LARGE1: variants seen among roughly 807,000 people sequenced by gnomAD.
The protein encoded by LARGE1 is xylosyl- and glucuronyltransferase LARGE1.
LARGE1 carries 43 observed loss-of-function variants against 87.6 expected under a neutral mutation model. The ratio of observed to expected loss-of-function variants is 0.49; its 90% confidence interval spans 0.38 to 0.63. LARGE1 has a LOEUF of 0.63. Ranked by LOEUF, LARGE1 falls within the 30% of genes least tolerant of loss-of-function variation. LARGE1 has a pLI of 0.00. For missense variants in LARGE1, 802 were observed against 1,000.2 expected (o/e 0.80, Z 2.67); for synonymous variants, 434 against 394.6 (o/e 1.10, Z -1.18).
At chr22:33,122,903 T>C in the LARGE1 span, among the ~76,000 whole-genome samples, 2 of 152,208 alleles carry the variant, frequency 1.3e-5, no homozygotes, top group Non-Finnish European at 2.9e-5. Flanking sequence ...GAGGGGCTGA[T>C]ACGGGACCCT....
intron 6 of LARGE1, among the ~76,000 whole-genome samples, chr22:33,533,855 A>G (rs1446219061): frequency 3.3e-5 from 5 of 150,784 alleles, no homozygotes; most frequent in Non-Finnish European, 5.9e-5. Context: ...TGGGTGAAAT[A>G]GCTGTTTCAT....
At chr22:33,225,547 ATTTC>A (rs1231101958) in intron 11 of LARGE1, among the ~76,000 whole-genome samples, 3 of 151,632 alleles carry the variant, frequency 2.0e-5, no homozygotes, top group Non-Finnish European at 4.4e-5. Flanking sequence ...TTTTCTTTTT[ATTTC>A]TTTATTTTCT....
At chr22:33,512,412 T>A (rs2071096343) in intron 6 of LARGE1, among the ~76,000 whole-genome samples, 1 of 152,160 alleles carries the variant, frequency 6.6e-6, no homozygotes. Context: ...AGATCGATAA[T>A]ATTAAGTGAA....
the LARGE1 span, among the ~76,000 whole-genome samples, chr22:33,104,912 TTTCTTTC>T: frequency 1.5e-5 from 1 of 67,088 alleles, no homozygotes; most frequent in African/African-American, 4.2e-5. Context: ...TCTTTCTTTC[TTTCTTTC>T]TTTCTTTCTT....
At chr22:33,221,717 G>A (rs62232871) in intron 11 of LARGE1, 14,216 of 152,044 alleles carry the variant, frequency 0.093, 983 homozygotes, top group African/African-American at 0.19. Flanking sequence ...TTCCATTCCC[G>A]CCTCTACTTC....
chr22:33,175,017 G>A lies in LARGE1; in HGVS notation c.1731-8185C>T, dbSNP rs4563341. Among the ~76,000 whole-genome samples the A allele has an allele frequency of 7.9e-3, 1,207 of 152,294 alleles. 53 individuals are homozygous for A. In the South Asian group the frequency reaches 0.12, roughly 15 times the overall value. ...ATCATCCTGATACCAAAACCTGGCA[G>A]AGACACAACAAAAAAAGAAAATTTC... On this transcript the variant is annotated intron_variant, in intron 11 of 11. Coordinates refer to the LARGE1 transcript ENST00000608642.
chr22:33,451,552 A>T (rs1189519828), intron 6 of LARGE1, among the ~76,000 whole-genome samples: 1 of 143,668 alleles, frequency 7.0e-6, no homozygotes, highest in African/African-American at 2.6e-5. Context: ...ACTCTATGGG[A>T]GTATCTCATT....
intron 6 of LARGE1, among the ~76,000 whole-genome samples, chr22:33,559,702 C>A (rs895735080): frequency 1.3e-5 from 2 of 152,120 alleles, no homozygotes; most frequent in African/African-American, 2.4e-5. Context: ...CTGACAGAGT[C>A]ATCAGGGTGA....
intron 10 of LARGE1, among the ~76,000 whole-genome samples, chr22:33,332,670 C>G (rs1260050749): frequency 6.6e-6 from 1 of 152,186 alleles, no homozygotes; most frequent in African/African-American, 2.4e-5. Context: ...GGGCTGGATC[C>G]AAGATCATAC....
chr22:33,671,614 T>C (rs1185804634), intron 2 of LARGE1, among the ~76,000 whole-genome samples: 1 of 152,186 alleles, frequency 6.6e-6, no homozygotes, highest in African/African-American at 2.4e-5. Flanking sequence ...CATTTGGCTA[T>C]GAAGAGAAAG....
intron 6 of LARGE1, among the ~76,000 whole-genome samples, chr22:33,439,425 C>T (rs2067389494): frequency 6.6e-6 from 1 of 152,096 alleles, no homozygotes; most frequent in South Asian, 2.1e-4. Context: ...TCACCCCACT[C>T]CACCTTTCTG....
At chr22:33,233,532 T>C (rs1362315813) in intron 11 of LARGE1, among the ~76,000 whole-genome samples, 1 of 152,014 alleles carries the variant, frequency 6.6e-6, no homozygotes, top group Non-Finnish European at 1.5e-5. Context: ...GTCTAGGCTG[T>C]GGGGGGCCTC....
rs141306390 is a variant in LARGE1, at chr22:33,551,326, C to T, written c.787+13522G>A. On this transcript the variant is annotated intron_variant, in intron 6 of 14. Transcript: ENST00000397394. ...GCCACTGTGCAGAGATAAGAGTGGA[C>T]ATGAACCTGTGCAATTTGAAAAGAC... 1.4e-3 allele frequency among the ~76,000 whole-genome samples: 216 copies of T among 152,310 alleles called. 1 individual carries two copies. Among genetic ancestry groups the T allele is most frequent in the African/African-American group, 5.1e-3 (211 of 41,556 alleles).
chr22:33,563,850 A>T (rs2148777299), intron 6 of LARGE1, among the ~76,000 whole-genome samples: 1 of 152,234 alleles, frequency 6.6e-6, no homozygotes, highest in South Asian at 2.1e-4. Context: ...TTTGGTGAAG[A>T]CTTTCCTCAA....
At chr22:33,147,625 A>C in the LARGE1 span, among the ~76,000 whole-genome samples, 4 of 152,204 alleles carry the variant, frequency 2.6e-5, no homozygotes, top group Non-Finnish European at 5.9e-5. Flanking sequence ...CATATATGTG[A>C]TCCAATTATC....
intron 6 of LARGE1, among the ~76,000 whole-genome samples, chr22:33,466,103 AC>A (rs1246494648): frequency 6.6e-6 from 1 of 151,568 alleles, no homozygotes. Context: ...CACTCCCTAT[AC>A]CCCGGCCATG....
At chr22:33,340,668 A>G (rs8135526) in intron 9 of LARGE1, among the ~76,000 whole-genome samples, 20,475 of 151,802 alleles carry the variant, frequency 0.13, 3,238 homozygotes, top group African/African-American at 0.37. Context: ...CATGCCCTTG[A>G]CTGGGAGCCT....
In LARGE1 at chr22:33,795,163, A is replaced by G. The variant is rs1232827522; in HGVS notation, c.-82-33605T>C. The stretch of plus-strand genomic sequence containing the variant: ...GTGTAATCTGGTATAAATTAATCCT[A>G]AAACCCAATTTCATCTAAAAAGTAG... On this transcript the variant is annotated intron_variant, in intron 1 of 14. Coordinates refer to ENST00000397394, the MANE Select transcript of LARGE1 (RefSeq NM_133642.5). Among the ~76,000 whole-genome samples, 19 of 152,196 alleles carry G rather than the reference A, an allele frequency of 1.2e-4. 1 individual carries two copies. Among genetic ancestry groups the G allele is most frequent in the Admixed American group, 1.0e-3 (16 of 15,284 alleles).
intron 9 of LARGE1, among the ~76,000 whole-genome samples, chr22:33,346,307 CT>C (rs200111650): frequency 6.5e-5 from 9 of 138,854 alleles, no homozygotes; most frequent in East Asian, 6.2e-4. Context: ...TCTTCTTTTT[CT>C]TTTTTTTTTC....
Sources: allele counts gnomAD v4.1 joint callset (sites outside exome capture counted in the v4.1 genomes callset), GRCh38; gene constraint gnomAD v4.1.1; transcripts MANE v1.5; gene names NCBI Gene and HGNC (gene_info 2026-07-23, HGNC 2026-07-21).